PDE7B: variants seen among roughly 807,000 people sequenced by gnomAD.
The protein encoded by PDE7B is phosphodiesterase 7B.
In PDE7B, 29 loss-of-function variants were observed where a neutral mutation model predicts 56.2. The ratio of observed to expected loss-of-function variants is 0.52; its 90% CI spans 0.38 to 0.70. The LOEUF is 0.70. PDE7B is among the 30% of genes least tolerant of loss of function. The probability of loss-of-function intolerance (pLI) is 0.00; values close to 1 mark genes in which losing one functional copy is unlikely to be tolerated. For missense variants in PDE7B, 490 were observed against 565.0 expected (o/e 0.87, Z 1.35); for synonymous variants, 197 against 196.9 (o/e 1.00, Z 0.00).
intron 1 of PDE7B, among the ~76,000 whole-genome samples, chr6:135,860,849 T>TG (rs1775131857): frequency 6.6e-6 from 1 of 151,948 alleles, no homozygotes; most frequent in African/African-American, 2.4e-5. Context: ...TTAAATTTTT[T>TG]TTTTTACTTT....
intron 1 of PDE7B, among the ~76,000 whole-genome samples, chr6:135,928,449 T>TA (rs1562442801): frequency 9.1e-5 from 8 of 87,928 alleles, no homozygotes; most frequent in African/African-American, 2.5e-4. Context: ...ATATATATAT[T>TA]TATTTATATA....
chr6:135,936,534 A>T (rs1416217566), intron 1 of PDE7B, among the ~76,000 whole-genome samples: 1 of 152,172 alleles, frequency 6.6e-6, no homozygotes, highest in East Asian at 1.9e-4. Flanking sequence ...TCGTCTGTCC[A>T]GGGGCGGCAG....
chr6:136,125,916 C>A (rs1778015946), intron 3 of PDE7B, among the ~76,000 whole-genome samples: 1 of 152,084 alleles, frequency 6.6e-6, no homozygotes, highest in Non-Finnish European at 1.5e-5. Flanking sequence ...TCTTTACTAC[C>A]TTGATAGATC....
chr6:136,038,896 T>C (rs1348944876), intron 2 of PDE7B, among the ~76,000 whole-genome samples: 1 of 152,214 alleles, frequency 6.6e-6, no homozygotes, highest in African/African-American at 2.4e-5. Context: ...GAGATATCCC[T>C]AGGAGAATAT....
intron 2 of PDE7B, among the ~76,000 whole-genome samples, chr6:136,031,354 G>T (rs944416367): frequency 6.6e-6 from 1 of 152,164 alleles, no homozygotes; most frequent in Non-Finnish European, 1.5e-5. Context: ...GAATCCCCAG[G>T]TTATTCAAAT....
chr6:135,932,393 G>T (rs80151878), intron 1 of PDE7B, among the ~76,000 whole-genome samples: 12,004 of 151,794 alleles, frequency 0.079, 1,049 homozygotes, highest in African/African-American at 0.21. Context: ...ATGGCATGCC[G>T]GTATCCAAAC....
At chr6:135,982,514 G>A (rs947380934) in intron 2 of PDE7B, among the ~76,000 whole-genome samples, 1 of 152,092 alleles carries the variant, frequency 6.6e-6, no homozygotes, top group African/African-American at 2.4e-5. Context: ...GAACTGCTAA[G>A]GAAGGGGCAG....
chr6:136,187,189 TA>T, intron 12 of PDE7B, 73 bp downstream of exon 12: 1 of 793,318 alleles, frequency 1.3e-6, no homozygotes, highest in Non-Finnish European at 2.2e-6. Flanking sequence ...AGAAAAGATC[TA>T]AACACAGCTT....
intron 2 of PDE7B, among the ~76,000 whole-genome samples, chr6:135,986,978 CT>C (rs1307778168): frequency 6.6e-6 from 1 of 152,176 alleles, no homozygotes; most frequent in East Asian, 1.9e-4. Context: ...GCCTTGAAGC[CT>C]CTTCAAAGAG....
At chr6:136,165,396 A>T (rs928156629) in intron 8 of PDE7B, 3 of 152,152 alleles carry the variant, frequency 2.0e-5, no homozygotes, top group African/African-American at 7.2e-5. Context: ...ATTATAAATC[A>T]AGACATTGAA....
At chr6:135,906,827 T>TTTTTTTTTTGTTTTTTTTTTG (rs1554265693) in intron 1 of PDE7B, among the ~76,000 whole-genome samples, 3 of 133,454 alleles carry the variant, frequency 2.2e-5, no homozygotes, top group Non-Finnish European at 4.9e-5. Context: ...TTTTTTTTTT[T>TTTTTTTTTTGTTTTTTTTTTG]TTTTTTTTTA....
chr6:135,919,095 G>T (rs961268376), intron 1 of PDE7B, among the ~76,000 whole-genome samples: 3 of 152,086 alleles, frequency 2.0e-5, no homozygotes, highest in African/African-American at 7.2e-5. Context: ...TACTCTCCCG[G>T]GTAAATGTGT....
At chr6:136,163,523 A>G (rs931242215) in intron 8 of PDE7B, among the ~76,000 whole-genome samples, 2 of 152,226 alleles carry the variant, frequency 1.3e-5, no homozygotes, top group African/African-American at 4.8e-5. Flanking sequence ...GGTCTTAGAC[A>G]TGCCTTGGAG....
At chr6:135,884,657 C>A (rs939746553) in intron 1 of PDE7B, among the ~76,000 whole-genome samples, 25 of 152,130 alleles carry the variant, frequency 1.6e-4, no homozygotes, top group African/African-American at 6.0e-4. Flanking sequence ...ATAGAACTCT[C>A]TTCTCTTGTT....
chr6:135,902,592 A>G (rs747335804), intron 1 of PDE7B, among the ~76,000 whole-genome samples: 5 of 152,152 alleles, frequency 3.3e-5, no homozygotes, highest in Non-Finnish European at 7.4e-5. Flanking sequence ...TTGATCAATG[A>G]TCATCAGATG....
At chr6:136,140,242 T>G (rs532586676) in intron 3 of PDE7B, among the ~76,000 whole-genome samples, 2 of 152,182 alleles carry the variant, frequency 1.3e-5, no homozygotes, top group Non-Finnish European at 2.9e-5. Context: ...TTTCCCCATT[T>G]CTTGTTTTTG....
chr6:135,989,079 G>A (rs1472817923), intron 2 of PDE7B, among the ~76,000 whole-genome samples: 2 of 152,034 alleles, frequency 1.3e-5, no homozygotes, highest in African/African-American at 4.8e-5. Context: ...ACAATGATAT[G>A]TGTTTCAGAT....
intron 7 of PDE7B, among the ~76,000 whole-genome samples, chr6:136,154,596 G>A (rs1327323705): frequency 1.3e-5 from 2 of 152,152 alleles, no homozygotes; most frequent in African/African-American, 4.8e-5. Flanking sequence ...AGCTCCTCAA[G>A]TCTGATGTTC....
rs374018382 is a variant in PDE7B, at chr6:136,009,351, G to C, written c.82+61827G>C. ...TTGGTTCCATATGAACTTTAAAGTA[G>C]TTTTTTCTAATTCTGTGAAGAAAGT... On this transcript the variant is annotated intron_variant, in intron 2 of 12. Coordinates refer to ENST00000308191, the MANE Select transcript of PDE7B (RefSeq NM_018945.4). Among the ~76,000 whole-genome samples the C allele has an allele frequency of 1.7e-3, 252 of 152,234 alleles. 1 individual carries two copies. In the East Asian group the frequency reaches 0.028, roughly 17 times the overall value.
Sources: gnomAD v4.1 joint callset for allele counts (sites outside exome capture counted in the v4.1 genomes callset) on GRCh38, gnomAD v4.1.1 for gene constraint, MANE v1.5 for transcripts, NCBI Gene and HGNC (gene_info 2026-07-23, HGNC 2026-07-21) for gene names.